Variants in SF3A3 observed in about 807,000 individuals in gnomAD.
SF3A3 encodes the protein SAP 61.
SF3A3 carries 9 observed loss-of-function variants against 85.8 expected under a neutral mutation model. The ratio of observed to expected loss-of-function variants is 0.10; its 90% CI spans 0.06 to 0.18. SF3A3 has a LOEUF of 0.18. SF3A3 is among the 10% of genes least tolerant of loss of function. The pLI is 1.00. For missense variants in SF3A3, 306 were observed against 593.3 expected (o/e 0.52, Z 5.03); for synonymous variants, 195 against 204.4 (o/e 0.95, Z 0.39).
chr1:37,989,659 G>T, intron 1 of SF3A3, 64 bp from the exon 2 acceptor site: 1 of 1,575,942 alleles, frequency 6.3e-7, no homozygotes, highest in Non-Finnish European at 8.7e-7. Context: ...AAGGCCGCCC[G>T]AGGGCGGAGC....
intron 14 of SF3A3, among the ~76,000 whole-genome samples, chr1:37,968,397 C>A (rs1286833924): frequency 6.6e-6 from 1 of 152,186 alleles, no homozygotes; most frequent in Non-Finnish European, 1.5e-5. Flanking sequence ...CATAAAACCT[C>A]TGGGTCAAGA....
intron 9 of SF3A3, 178 bp downstream of exon 9, chr1:37,979,287 A>G: frequency 1.6e-6 from 1 of 626,440 alleles, no homozygotes; most frequent in Admixed American, 3.0e-5. Context: ...TAGAATAATT[A>G]TTTCAGTTTC....
Position 37,977,000 on chromosome 1 carries a change from T to C in SF3A3, c.936-47A>G, listed in dbSNP as rs1646383640. The C allele has an allele frequency of 2.9e-6, 4 of 1,362,342 alleles. No homozygotes were observed. The East Asian group carries it at 6.9e-5, about 23-fold the overall frequency. The allele number at this position is 1,362,342 out of a possible 1,614,324, so 84.4% of individuals were successfully genotyped here. On this transcript the variant is annotated intron_variant, in intron 11 of 16. Coordinates refer to ENST00000373019, the MANE Select transcript of SF3A3 (RefSeq NM_006802.4). ...TTTCACTCAAGGATTCTCTCATCCA[T>C]TGTTTTGTTCCCTATATCTGGGAAC...
Position 37,981,145 on chromosome 1 carries a change from G to A in SF3A3, c.552-421C>T, listed in dbSNP as rs192418456. On this transcript the variant is annotated intron_variant, in intron 7 of 16. Coordinates refer to ENST00000373019, the MANE Select transcript of SF3A3 (RefSeq NM_006802.4). Reference sequence around the variant, plus strand: ...ATTACAGGTGTGAGCCACCGCGCCCGGCCAATACTCATTTTTAAATGAACT... The same window carrying A: ...ATTACAGGTGTGAGCCACCGCGCCCAGCCAATACTCATTTTTAAATGAACT... Among the ~76,000 whole-genome samples, 947 of 152,052 alleles carry A rather than the reference G, an allele frequency of 6.2e-3. 7 individuals carry two copies. Among genetic ancestry groups the A allele is most frequent in the Non-Finnish European group, 0.01 (684 of 67,962 alleles).
At chr1:37,964,427 A>T (rs898285340) in intron 15 of SF3A3, among the ~76,000 whole-genome samples, 29 of 151,868 alleles carry the variant, frequency 1.9e-4, no homozygotes, top group Non-Finnish European at 4.4e-5. Context: ...CAACATGCTA[A>T]AACCCTGTCT....
rs771447218 is a variant in SF3A3, at chr1:37,963,872, T to TAAAAA, written c.1373-3702_1373-3698dup. Among the ~76,000 whole-genome samples, 40 of 81,806 alleles carry TAAAAA rather than the reference T, an allele frequency of 4.9e-4. 2 individuals carry two copies. Among genetic ancestry groups the TAAAAA allele is most frequent in the African/African-American group, 1.6e-3 (30 of 18,264 alleles). 53.7% of individuals were successfully genotyped at this position (81,806 alleles called of 152,430 possible). A position where few individuals can be genotyped will look rare whatever the true frequency, so the allele number is the denominator to read the frequency against. On this transcript the variant is annotated intron_variant, in intron 15 of 16. Coordinates refer to ENST00000373019, the MANE Select transcript of SF3A3 (RefSeq NM_006802.4). The stretch of plus-strand genomic sequence containing the variant: ...CGCCTGGCCCTGCCAATGATATTCT[T>TAAAAA]AAAAAAAAAAAAAAAAAAAAAAATT...
chr1:37,977,989 C>T (rs1336740227), intron 11 of SF3A3, among the ~76,000 whole-genome samples: 2 of 151,954 alleles, frequency 1.3e-5, no homozygotes, highest in Non-Finnish European at 2.9e-5. Context: ...TGCACTCCAG[C>T]CTGGGCAACA....
intron 12 of SF3A3, among the ~76,000 whole-genome samples, chr1:37,975,273 T>C (rs1016054987): frequency 1.3e-5 from 2 of 152,260 alleles, no homozygotes; most frequent in African/African-American, 4.8e-5. Context: ...TCCAGCACTT[T>C]GGGAGGCCAA....
intron 1 of SF3A3, 117 bp from the exon 2 acceptor site, chr1:37,989,712 G>A (rs1646482025): frequency 7.5e-7 from 1 of 1,338,444 alleles, no homozygotes; most frequent in Non-Finnish European, 1.0e-6. Flanking sequence ...AAGGCCTCTG[G>A]GGCTCCGGAC....
Position 37,957,278 on chromosome 1 carries a change from A to T in SF3A3, c.*908T>A, listed in dbSNP as rs9686. ...GTAGAAGAAACAGGTAGACAGACCCACCAGTCTCTCATTCTGACCTAGCAA... is the reference window on the plus strand; with the variant it reads ...GTAGAAGAAACAGGTAGACAGACCCTCCAGTCTCTCATTCTGACCTAGCAA... On this transcript the variant is annotated 3_prime_UTR_variant, in exon 17 of 17. Transcript: ENST00000373019. 0.091 allele frequency: 13,778 copies of T among 151,120 alleles called. 792 individuals are homozygous for T. The highest frequency in any genetic ancestry group is 0.24 in the Middle Eastern group (70 of 292). The allele number at this position is 151,120 out of a possible 1,614,324, so 9.4% of individuals were successfully genotyped here.
At chr1:37,974,521 C>A (rs1181071576) in intron 12 of SF3A3, among the ~76,000 whole-genome samples, 1 of 152,110 alleles carries the variant, frequency 6.6e-6, no homozygotes, top group Non-Finnish European at 1.5e-5. Context: ...CCAGGATGGT[C>A]TCGATCTCCT....
At position 37,979,515 on chromosome 1, in the gene SF3A3, G is replaced by A; in HGVS notation, c.709C>T (p.Leu237=). ...TCAAGATGGGCTCCAGCATGGGTCA[G>A]GGCACTGCTTGTCTCTTTCTGGAAA... ...PGWPKETSSA[L]THAGAHLDLS... Residue 237 remains leucine, a synonymous_variant, in exon 9 of 17, where the codon CTG becomes TTG. Coordinates refer to ENST00000373019, the MANE Select transcript of SF3A3 (RefSeq NM_006802.4). 1 of 1,612,586 alleles carries A rather than the reference G, an allele frequency of 6.2e-7. No homozygotes were observed. Among genetic ancestry groups the A allele is most frequent in the Non-Finnish European group, 8.5e-7 (1 of 1,178,740 alleles).
intron 15 of SF3A3, among the ~76,000 whole-genome samples, chr1:37,963,872 TAAAAAAAA>T (rs771447218): frequency 0.015 from 1,203 of 81,828 alleles, 72 homozygotes; most frequent in Admixed American, 0.13. Context: ...ATGATATTCT[TAAAAAAAA>T]AAAAAAAAAA....
At chr1:37,976,155 C>A (rs1646378227) in intron 12 of SF3A3, among the ~76,000 whole-genome samples, 1 of 142,604 alleles carries the variant, frequency 7.0e-6, no homozygotes. Flanking sequence ...GACTCTGTCT[C>A]AAAAAAAAAA....
intron 1 of SF3A3, 41 bp downstream of exon 1, chr1:37,989,829 G>T (rs372872001): frequency 2.0e-6 from 3 of 1,490,558 alleles, no homozygotes; most frequent in Admixed American, 3.3e-5. Flanking sequence ...CGGGATAGAG[G>T]CTCGTGCTCC....
At chr1:37,963,953 G>A (rs1029321860) in intron 15 of SF3A3, among the ~76,000 whole-genome samples, 7 of 150,658 alleles carry the variant, frequency 4.6e-5, no homozygotes, top group Non-Finnish European at 8.9e-5. Flanking sequence ...AGGCCAAGGC[G>A]GGCAGATCAT....
At chr1:37,989,311 A>AAG (rs1491553114) in intron 2 of SF3A3, among the ~76,000 whole-genome samples, 11 of 128,012 alleles carry the variant, frequency 8.6e-5, no homozygotes, top group African/African-American at 4.4e-4. Flanking sequence ...GAAGAAGAAG[A>AAG]AAAAAAAAAA....
intron 11 of SF3A3, among the ~76,000 whole-genome samples, chr1:37,977,547 C>T (rs35655346): frequency 0.096 from 14,651 of 151,974 alleles, 858 homozygotes; most frequent in East Asian, 0.17. Flanking sequence ...ACTAAAAATA[C>T]AAAAATTAGC....
intron 12 of SF3A3, among the ~76,000 whole-genome samples, chr1:37,970,633 A>T (rs969442052): frequency 6.6e-6 from 1 of 152,236 alleles, no homozygotes; most frequent in African/African-American, 2.4e-5. Context: ...CAAATGTAAA[A>T]GAACAGAAAT....
Sources: gnomAD v4.1 joint callset for allele counts (sites outside exome capture counted in the v4.1 genomes callset) on GRCh38, gnomAD v4.1.1 for gene constraint, MANE v1.5 for transcripts, NCBI Gene and HGNC (gene_info 2026-07-23, HGNC 2026-07-21) for gene names.